SLC16A9: variants seen among roughly 807,000 people sequenced by gnomAD.
SLC16A9 encodes the protein monocarboxylate transporter 9.
A neutral mutation model predicts 44.3 loss-of-function variants in SLC16A9; 26 were observed. That is an observed-to-expected ratio of 0.59 (90% CI 0.43 to 0.81). The LOEUF is 0.81. Among genes scored for constraint, SLC16A9 ranks in the 40% least tolerant of loss-of-function variants. SLC16A9 has a pLI of 0.00. For synonymous variants in SLC16A9, 230 were observed against 225.1 expected, an observed-to-expected ratio of 1.02 and a Z score of -0.19; for missense variants, 559 against 595.8, an observed-to-expected ratio of 0.94 and a Z score of 0.64.
chr10:59,652,117 G>A lies in SLC16A9; in HGVS notation c.*655C>T, dbSNP rs577552083. 1 of 152,298 alleles carries A rather than the reference G, an allele frequency of 6.6e-6. No individual in the cohort carries two copies. The highest frequency in any genetic ancestry group is 2.1e-4 in the South Asian group (1 of 4,822). The allele number at this position is 152,298 out of a possible 1,614,324, so 9.4% of individuals were successfully genotyped here. A position where few individuals can be genotyped will look rare whatever the true frequency, so the allele number is the denominator to read the frequency against. On this transcript the variant is annotated 3_prime_UTR_variant, in exon 6 of 6. Transcript: ENST00000395348. ...CACCCACATCTCAGCAAATACCTTA[G>A]GAACTGAAACAGTTGCTCAGTGGGT...
intron 2 of SLC16A9, among the ~76,000 whole-genome samples, chr10:59,681,924 C>CT (rs5785399): frequency 1.4e-5 from 2 of 146,016 alleles, no homozygotes; most frequent in Non-Finnish European, 3.0e-5. Context: ...TTTAGCCATC[C>CT]TTTTTTTTTC....
chr10:59,654,458 G>A lies in SLC16A9; in HGVS notation c.568C>T (p.Pro190Ser), dbSNP rs974772864. The A allele has an allele frequency of 4.3e-6, 7 of 1,613,122 alleles. No homozygotes were observed. In the African/African-American group the frequency reaches 8.0e-5, roughly 18 times the overall value. ...AAAGGACAATCAGAAGATTGGAGGG[G>A]TCTCATCAGACTGCCACAGGCTAAT... is the stretch of plus-strand genomic sequence containing the variant. ...NILACGSLMR[P>S]LQSSDCPLPK... The change falls in exon 5 of 6, where the codon CCC becomes TCC. Residue 190 changes from proline to serine, a missense_variant. Physicochemically the swap from Pro to Ser is moderately conservative, Grantham distance 74. Coordinates refer to ENST00000395348, the MANE Select transcript of SLC16A9 (RefSeq NM_194298.3).
intron 4 of SLC16A9, among the ~76,000 whole-genome samples, chr10:59,663,829 T>C (rs1338080208): frequency 6.6e-6 from 1 of 151,948 alleles, no homozygotes; most frequent in Non-Finnish European, 1.5e-5. Flanking sequence ...CAGGAAAAAA[T>C]AGCTTTTTTA....
Position 59,652,836 on chromosome 10 carries a change from C to T in SLC16A9, c.1466G>A (p.Cys489Tyr). The T allele has an allele frequency of 1.9e-6, 3 of 1,613,892 alleles. No individual in the cohort carries two copies. Among genetic ancestry groups the T allele is most frequent in the Non-Finnish European group, 2.5e-6 (3 of 1,179,916 alleles). The change falls in exon 6 of 6, where the codon TGC (cysteine) becomes TAC (tyrosine). Residue 489 changes from cysteine to tyrosine, a missense_variant. Cys to Tyr is a radical substitution (Grantham distance 194). Transcript: ENST00000395348. ...LLAALPSWDT[C>Y]NKQLPKPAPT... ...AGCTGGCTTGGGGAGTTGCTTGTTG[C>T]ATGTATCCCAAGAGGGCAAGGCTGC...
chr10:59,652,684 T>C lies in SLC16A9; in HGVS notation c.*88A>G. ...GAAATTTTGCTATGAGAAAATAGTC[T>C]TGACTCTAGAAAATTTGCTTGAGAA... On this transcript the variant is annotated 3_prime_UTR_variant, in exon 6 of 6. Transcript: ENST00000395348. 1 of 1,263,050 alleles carries C rather than the reference T, an allele frequency of 7.9e-7. No homozygotes were observed. Among genetic ancestry groups the C allele is most frequent in the Non-Finnish European group, 1.1e-6 (1 of 925,452 alleles). 78.2% of individuals were successfully genotyped at this position (1,263,050 alleles called of 1,614,324 possible).
chr10:59,664,672 C>T (rs1157517118), intron 3 of SLC16A9, among the ~76,000 whole-genome samples: 1 of 152,194 alleles, frequency 6.6e-6, no homozygotes, highest in Admixed American at 6.5e-5. Flanking sequence ...CCTTAGAGAT[C>T]TATGCCTCTT....
At chr10:59,661,177 T>C (rs1839466754) in intron 4 of SLC16A9, among the ~76,000 whole-genome samples, 1 of 152,132 alleles carries the variant, frequency 6.6e-6, no homozygotes, top group Non-Finnish European at 1.5e-5. Flanking sequence ...GAGACAGAAA[T>C]AAAGTGTATT....
At chr10:59,683,780 A>T (rs959631079) in intron 2 of SLC16A9, among the ~76,000 whole-genome samples, 1 of 152,216 alleles carries the variant, frequency 6.6e-6, no homozygotes, top group Non-Finnish European at 1.5e-5. Flanking sequence ...TTACAAGACT[A>T]TGAGCCTCTT....
At chr10:59,695,660 GA>G (rs1840355297) in intron 1 of SLC16A9, among the ~76,000 whole-genome samples, 1 of 152,096 alleles carries the variant, frequency 6.6e-6, no homozygotes, top group Non-Finnish European at 1.5e-5. Context: ...ATACAATCAG[GA>G]AATTATGTAT....
At chr10:59,707,609 TA>T (rs1160390449) in intron 1 of SLC16A9, among the ~76,000 whole-genome samples, 1 of 148,090 alleles carries the variant, frequency 6.8e-6, no homozygotes, top group African/African-American at 2.5e-5. Context: ...AAACAAAAGA[TA>T]AAAATGTGAC....
intron 2 of SLC16A9, among the ~76,000 whole-genome samples, chr10:59,676,092 T>C (rs1158761735): frequency 6.6e-6 from 1 of 152,252 alleles, no homozygotes; most frequent in Non-Finnish European, 1.5e-5. Context: ...GTAATGGTAC[T>C]TTTGTTAATG....
At chr10:59,705,655 T>A (rs1343366734) in intron 1 of SLC16A9, among the ~76,000 whole-genome samples, 1 of 152,112 alleles carries the variant, frequency 6.6e-6, no homozygotes, top group Admixed American at 6.5e-5. Context: ...GGAATGCAGG[T>A]TTGGGGGTAA....
At position 59,684,170 on chromosome 10, in the gene SLC16A9, A is replaced by G; in HGVS notation, c.122T>C (p.Leu41Pro). ...TCCTTTTCCTTCACCAAAGGCATCC[A>G]GCCATTCTATGTACAGGACTCCAAC... ...LAVGVLYIEW[L>P]DAFGEGKGKT... is the part of the protein sequence containing the mutation. Residue 41 changes from leucine (L) to proline (P), a missense_variant, in exon 2 of 6, where the codon CTG becomes CCG. Physicochemically the swap from Leu to Pro is moderately conservative, Grantham distance 98. Coordinates refer to ENST00000395348, the MANE Select transcript of SLC16A9 (RefSeq NM_194298.3). The G allele has an allele frequency of 6.2e-7, 1 of 1,614,136 alleles. No individual in the cohort carries two copies. The highest frequency in any genetic ancestry group is 8.5e-7 in the Non-Finnish European group (1 of 1,179,998).
intron 4 of SLC16A9, among the ~76,000 whole-genome samples, chr10:59,657,121 G>A (rs561319173): frequency 4.6e-5 from 7 of 152,274 alleles, no homozygotes; most frequent in Admixed American, 3.9e-4. Context: ...AATGAGCATG[G>A]CTGTGTTATA....
intron 1 of SLC16A9, among the ~76,000 whole-genome samples, chr10:59,692,978 T>C (rs1356847135): frequency 3.9e-5 from 6 of 152,234 alleles, no homozygotes; most frequent in Admixed American, 6.5e-5. Flanking sequence ...ATTAATTACA[T>C]TTCATTTCAT....
intron 2 of SLC16A9, among the ~76,000 whole-genome samples, chr10:59,680,778 T>G (rs1044375945): frequency 6.6e-6 from 1 of 151,964 alleles, no homozygotes; most frequent in African/African-American, 2.4e-5. Flanking sequence ...CCCAGGAGTT[T>G]GAGACCAGCC....
At position 59,669,347 on chromosome 10, in the gene SLC16A9, C is replaced by T. The variant is rs938031562; in HGVS notation, c.340+3423G>A. Among the ~76,000 whole-genome samples, 8 of 152,320 alleles carry T rather than the reference C, an allele frequency of 5.3e-5. No individual in the cohort carries two copies. The East Asian group carries it at 1.5e-3, about 29-fold the overall frequency. On this transcript the variant is annotated intron_variant, in intron 3 of 5. Transcript: ENST00000395348. ...CAGGAGACTCAATTCCCAGATTTGGCTGTGTGGCTTACAATCACTTGCCAA... is the reference window on the plus strand; with the variant it reads ...CAGGAGACTCAATTCCCAGATTTGGTTGTGTGGCTTACAATCACTTGCCAA...
chr10:59,678,212 A>G (rs1839902195), intron 2 of SLC16A9, among the ~76,000 whole-genome samples: 1 of 152,018 alleles, frequency 6.6e-6, no homozygotes, highest in Non-Finnish European at 1.5e-5. Flanking sequence ...TAACCAGGTT[A>G]TGGACCTGCC....
intron 1 of SLC16A9, among the ~76,000 whole-genome samples, chr10:59,697,236 C>A (rs924645130): frequency 6.6e-6 from 1 of 151,732 alleles, no homozygotes; most frequent in Non-Finnish European, 1.5e-5. Flanking sequence ...GAGGTGTACT[C>A]AACAGCTCAT....
Sources: gnomAD v4.1 joint callset for allele counts (sites outside exome capture counted in the v4.1 genomes callset) on GRCh38, gnomAD v4.1.1 for gene constraint, MANE v1.5 for transcripts, NCBI Gene and HGNC (gene_info 2026-07-23, HGNC 2026-07-21) for gene names.